The following FRMPD1 variants were observed in gnomAD, a reference collection of about 807,000 sequenced individuals.
FRMPD1 encodes FERM and PDZ domain-containing protein 1.
FRMPD1 carries 76 observed loss-of-function variants against 117.8 expected under a neutral mutation model. The observed-to-expected ratio is 0.65, with a 90% CI of 0.54 to 0.78. The LOEUF (loss-of-function observed/expected upper bound fraction) is 0.78. Among genes scored for constraint, FRMPD1 ranks in the 30% least tolerant of loss-of-function variants. The pLI is 0.00. For synonymous variants in FRMPD1, 783 were observed against 770.4 expected (o/e 1.02, Z -0.27); for missense variants, 1,786 against 1,964.5 (o/e 0.91, Z 1.72).
At chr9:37,620,772 G>A in the FRMPD1 span, among the ~76,000 whole-genome samples, 1 of 150,592 alleles carries the variant, frequency 6.6e-6, no homozygotes, top group African/African-American at 2.4e-5. Context: ...TTTTCATCTT[G>A]TTTCCTGCTA....
At chr9:37,687,480 A>C (rs1473192652) in intron 1 of FRMPD1, among the ~76,000 whole-genome samples, 1 of 152,246 alleles carries the variant, frequency 6.6e-6, no homozygotes, top group Non-Finnish European at 1.5e-5. Flanking sequence ...AATATCCTAG[A>C]ATTTCCAACG....
chr9:37,732,523 A>G, intron 10 of FRMPD1, 83 bp downstream of exon 10: 14 of 1,328,728 alleles, frequency 1.1e-5, no homozygotes, highest in Non-Finnish European at 1.3e-5. Context: ...CAGAAAGCTG[A>G]TAGTCACCCA....
chr9:37,680,320 A>G (rs1821682727), intron 1 of FRMPD1, among the ~76,000 whole-genome samples: 1 of 152,212 alleles, frequency 6.6e-6, no homozygotes, highest in Non-Finnish European at 1.5e-5. Flanking sequence ...CACGACACTC[A>G]AGACTATCTT....
At chr9:37,625,325 G>C in the FRMPD1 span, among the ~76,000 whole-genome samples, 2 of 152,128 alleles carry the variant, frequency 1.3e-5, no homozygotes, top group African/African-American at 4.8e-5. Flanking sequence ...TGAGATATTA[G>C]GGTTGTTCCA....
chr9:37,662,484 C>A (rs1054509549), intron 1 of FRMPD1, among the ~76,000 whole-genome samples: 1 of 152,092 alleles, frequency 6.6e-6, no homozygotes, highest in Non-Finnish European at 1.5e-5. Context: ...AGTGTGGGGA[C>A]AAATAAGAAG....
At chr9:37,709,943 A>G (rs903324519) in intron 4 of FRMPD1, among the ~76,000 whole-genome samples, 4 of 152,352 alleles carry the variant, frequency 2.6e-5, no homozygotes, top group Middle Eastern at 3.4e-3. Context: ...TGTGCTGTGC[A>G]TCTGTACCCT....
At chr9:37,634,647 G>A in the FRMPD1 span, among the ~76,000 whole-genome samples, 1 of 151,786 alleles carries the variant, frequency 6.6e-6, no homozygotes, top group Admixed American at 6.6e-5. Flanking sequence ...TCTGTTTTCT[G>A]AAACCCATAT....
At chr9:37,623,007 A>G in the FRMPD1 span, among the ~76,000 whole-genome samples, 1 of 152,224 alleles carries the variant, frequency 6.6e-6, no homozygotes, top group Non-Finnish European at 1.5e-5. Context: ...ATAAAATAAT[A>G]TATATTCATA....
chr9:37,636,596 GC>G, the FRMPD1 span: 6 of 917,228 alleles, frequency 6.5e-6, no homozygotes, highest in South Asian at 1.1e-4. Flanking sequence ...AGACTCAAAT[GC>G]CCCAGGAGAG....
intron 5 of FRMPD1, among the ~76,000 whole-genome samples, chr9:37,715,925 A>G (rs1823098653): frequency 6.6e-6 from 1 of 152,194 alleles, no homozygotes; most frequent in Non-Finnish European, 1.5e-5. Context: ...TGAAATGGCA[A>G]CGATTTGGAA....
rs765874478 is a variant in FRMPD1, at chr9:37,692,622, C to T, written c.-4-16C>T. 2.0e-6 allele frequency: 3 copies of T among 1,524,852 alleles called. No individual in the cohort carries two copies. In the Admixed American group the frequency reaches 5.0e-5, roughly 25 times the overall value. The allele number at this position is 1,524,852 out of a possible 1,614,324, so 94.5% of individuals were successfully genotyped here. A position where few individuals can be genotyped will look rare whatever the true frequency, so the allele number is the denominator to read the frequency against. On this transcript the variant is annotated splice_polypyrimidine_tract_variant and intron_variant, in intron 1 of 15. Transcript: ENST00000377765. ...TATTTTGGTTAGCATCTTAAGAACACTCTTCTTCCTTTTAGGTAAATGGAA... is the reference window on the plus strand; with the variant it reads ...TATTTTGGTTAGCATCTTAAGAACATTCTTCTTCCTTTTAGGTAAATGGAA...
upstream of FRMPD1, among the ~76,000 whole-genome samples, chr9:37,646,157 A>G (rs956672682): frequency 2.0e-5 from 3 of 152,196 alleles, no homozygotes; most frequent in Non-Finnish European, 4.4e-5. Context: ...GGCTCACTGA[A>G]GCCTTGATGT....
In FRMPD1 at chr9:37,731,075, C is replaced by T. The variant is rs1289551163; in HGVS notation, c.830C>T (p.Pro277Leu). ...CCCCTGGACCTCCTGAAAGAAGACC[C>T]CGTGGCCTTTGAATACCTCTATCTG... ...KDPLDLLKED[P>L]VAFEYLYLQS... Residue 277 changes from proline to leucine, a missense_variant, in exon 9 of 16, where the codon CCC becomes CTC. By Grantham distance (98) the Pro-to-Leu change is moderately conservative (BLOSUM62 -3). Transcript: ENST00000377765. 1.2e-6 allele frequency: 2 copies of T among 1,613,552 alleles called. No homozygotes were observed. The highest frequency in any genetic ancestry group is 4.5e-5 in the East Asian group (2 of 44,898).
the FRMPD1 span, among the ~76,000 whole-genome samples, chr9:37,603,564 G>A: frequency 6.6e-6 from 1 of 152,198 alleles, no homozygotes; most frequent in African/African-American, 2.4e-5. Flanking sequence ...AGTGGGGGAG[G>A]TGGGTGGCAG....
chr9:37,727,513 C>A (rs555203612), intron 7 of FRMPD1, among the ~76,000 whole-genome samples: 25 of 152,180 alleles, frequency 1.6e-4, no homozygotes, highest in Admixed American at 1.4e-3. Context: ...GTTCACAGGA[C>A]ATCCCTCTAC....
Position 37,740,900 on chromosome 9 carries a change from C to T in FRMPD1, c.2356+16C>T. The stretch of plus-strand genomic sequence containing the variant: ...CCCCCGTCAGGTGAGCCGTCCCTTG[C>T]AGGTCTGCAGACACGGCAGGCAGCT... On this transcript the variant is annotated intron_variant, in intron 15 of 15. Transcript: ENST00000377765. The surrounding 1 kb of genome is among the most constrained non-coding windows in gnomAD (Gnocchi z 4.2). 6.2e-7 allele frequency: 1 copy of T among 1,601,568 alleles called. No individual in the cohort carries two copies. Among genetic ancestry groups the T allele is most frequent in the Non-Finnish European group, 8.6e-7 (1 of 1,168,544 alleles).
the FRMPD1 span, among the ~76,000 whole-genome samples, chr9:37,638,368 TG>T: frequency 6.6e-6 from 1 of 152,144 alleles, no homozygotes; most frequent in East Asian, 1.9e-4. Flanking sequence ...CCACTGCGTC[TG>T]GCCTGGTTTA....
At chr9:37,690,890 G>A (rs574793541) in intron 1 of FRMPD1, among the ~76,000 whole-genome samples, 1 of 152,322 alleles carries the variant, frequency 6.6e-6, no homozygotes, top group Admixed American at 6.5e-5. Context: ...ACACAAGAGA[G>A]TGTGGAAAGA....
chr9:37,616,934 C>G, the FRMPD1 span, among the ~76,000 whole-genome samples: 2 of 152,146 alleles, frequency 1.3e-5, no homozygotes, highest in African/African-American at 4.8e-5. Flanking sequence ...GTTGAACGAC[C>G]CCTCTTAGAC....
Sources: gnomAD v4.1 joint callset for allele counts (sites outside exome capture counted in the v4.1 genomes callset) on GRCh38, gnomAD v4.1.1 for gene constraint, Gnocchi (gnomAD v3.1) non-coding constraint, MANE v1.5 for transcripts, NCBI Gene and HGNC (gene_info 2026-07-23, HGNC 2026-07-21) for gene names.